Variants in CNNM1 observed in about 807,000 individuals in gnomAD.
The protein encoded by CNNM1 is cyclin and CBS domain divalent metal cation transport mediator 1, also known as metal transporter CNNM1.
CNNM1 carries 44 observed loss-of-function variants against 78.8 expected under a neutral mutation model. The observed-to-expected ratio is 0.56, with a 90% confidence interval of 0.44 to 0.72. CNNM1 has a LOEUF of 0.72. CNNM1 is among the 30% of genes least tolerant of loss of function. The pLI is 0.00. For synonymous variants in CNNM1, 584 were observed against 581.5 expected (o/e 1.00, Z -0.06); for missense variants, 1,101 against 1,292.2 (o/e 0.85, Z 2.27).
In CNNM1 at chr10:99,387,897, C is replaced by T. The variant is rs779555620; in HGVS notation, c.2418C>T (p.Ala806=). Residue 806 remains alanine (A), a synonymous_variant, in exon 8 of 11, where the codon GCC becomes GCT. Coordinates refer to ENST00000356713, the MANE Select transcript of CNNM1 (RefSeq NM_020348.3). The part of the protein sequence containing the change: ...DSSPQSPDME[A]FTDGDSTKAP... ...CACCTCAGTCCCCTGACATGGAGGC[C>T]TTCACAGACGGGGACTCCACTAAGG... The T allele has an allele frequency of 4.1e-5, 66 of 1,613,702 alleles. No homozygotes were observed. In the South Asian group the frequency reaches 7.1e-4, roughly 17 times the overall value.
rs191553132 is a variant in CNNM1 at position 99,344,049 on chromosome 10, T to C, written c.1573+13089T>C. On this transcript the variant is annotated intron_variant, in intron 1 of 10. Coordinates refer to ENST00000356713, the MANE Select transcript of CNNM1 (RefSeq NM_020348.3). ...ATTCCCCTTTTAAGAAGATGGAAGA[T>C]AGGCCAGGTGTGCTGGCTCACCCTT... Among the ~76,000 whole-genome samples the C allele has an allele frequency of 6.7e-3, 1,000 of 149,936 alleles. 6 individuals are homozygous for C. Among genetic ancestry groups the C allele is most frequent in the Non-Finnish European group, 9.6e-3 (646 of 67,384 alleles).
chr10:99,354,178 A>G (rs1326577552), intron 1 of CNNM1, among the ~76,000 whole-genome samples: 1 of 152,226 alleles, frequency 6.6e-6, no homozygotes, highest in Non-Finnish European at 1.5e-5. Context: ...AAAAGTGAGA[A>G]TAGGTGCCAT....
intron 7 of CNNM1, among the ~76,000 whole-genome samples, chr10:99,381,247 C>A (rs2134075399): frequency 6.6e-6 from 1 of 151,232 alleles, no homozygotes; most frequent in East Asian, 2.0e-4. Context: ...CCTGTCTCTA[C>A]TAAAAATACA....
At chr10:99,364,084 G>A (rs1052115247) in intron 4 of CNNM1, among the ~76,000 whole-genome samples, 18 of 152,102 alleles carry the variant, frequency 1.2e-4, no homozygotes, top group Non-Finnish European at 2.5e-4. Context: ...TCCAATCTTG[G>A]ACTAAACCAG....
intron 1 of CNNM1, among the ~76,000 whole-genome samples, chr10:99,351,113 A>G (rs183807868): frequency 3.3e-5 from 5 of 152,346 alleles, no homozygotes; most frequent in East Asian, 1.9e-4. Flanking sequence ...GGTAGTGATG[A>G]TAACACCTTA....
intron 2 of CNNM1, 59 bp downstream of exon 2, chr10:99,357,714 G>A: frequency 6.8e-7 from 1 of 1,461,620 alleles, no homozygotes; most frequent in Non-Finnish European, 9.1e-7. Flanking sequence ...AAGACTCTCA[G>A]GTAAAGCCTC....
chr10:99,383,898 T>C (rs2862606), intron 7 of CNNM1, among the ~76,000 whole-genome samples: 136,553 of 152,240 alleles, frequency 0.9, 61,425 homozygotes, highest in African/African-American at 0.94. Context: ...GGCTGTTGAA[T>C]GCATGAAGTG....
rs562170205 is a variant in CNNM1 at position 99,340,876 on chromosome 10, TCCTGCCTGCCTG to T, written c.1573+9941_1573+9952del. Reference sequence around the variant, plus strand: ...CTCCTTCCCCGCTTCCTTCCTTCCTTCCTGCCTGCCTGCCTGCCTGCCTGCCTGCCTGCCTGT... The same window carrying T: ...CTCCTTCCCCGCTTCCTTCCTTCCTTCCTGCCTGCCTGCCTGCCTGCCTGT... On this transcript the variant is annotated intron_variant, in intron 1 of 10. Transcript: ENST00000356713. Among the ~76,000 whole-genome samples, 46 of 138,254 alleles carry T rather than the reference TCCTGCCTGCCTG, an allele frequency of 3.3e-4. No homozygotes were observed. In the East Asian group the frequency reaches 6.1e-3, roughly 18 times the overall value. The allele number at this position is 138,254 out of a possible 152,430, so 90.7% of individuals were successfully genotyped here.
Position 99,391,637 on chromosome 10 carries a change from T to A in CNNM1, c.*121T>A, listed in dbSNP as rs953337716. 1 of 784,380 alleles carries A rather than the reference T, an allele frequency of 1.3e-6. No individual in the cohort carries two copies. Among genetic ancestry groups the A allele is most frequent in the Non-Finnish European group, 2.1e-6 (1 of 482,392 alleles). The allele number at this position is 784,380 out of a possible 1,614,324, so 48.6% of individuals were successfully genotyped here. A position where few individuals can be genotyped will look rare whatever the true frequency, so the allele number is the denominator to read the frequency against. ...GGTGACAGAATGTTCTGCCTTCCCTTCCATCTCTTCACCCCTAGCTGTCAG... is the reference window on the plus strand; with the variant it reads ...GGTGACAGAATGTTCTGCCTTCCCTACCATCTCTTCACCCCTAGCTGTCAG... On this transcript the variant is annotated 3_prime_UTR_variant, in exon 11 of 11. Transcript: ENST00000356713.
chr10:99,329,801 C>T lies in CNNM1; in HGVS notation c.414C>T (p.Asp138=). 1 of 1,473,212 alleles carries T rather than the reference C, an allele frequency of 6.8e-7. No individual in the cohort carries two copies. The highest frequency in any genetic ancestry group is 1.3e-5 in the South Asian group (1 of 75,858). 91.3% of individuals were successfully genotyped at this position (1,473,212 alleles called of 1,614,324 possible). ...CGCAGCGCTGCAGGGAGCAGAGCGA[C>T]TGGGCATCGGACGTGGAAGTCCTGG... ...PGPQRCREQS[D]WASDVEVLGP... Residue 138 remains aspartate, a synonymous_variant, in exon 1 of 11, where the codon GAC becomes GAT. Coordinates refer to ENST00000356713, the MANE Select transcript of CNNM1 (RefSeq NM_020348.3).
Position 99,330,852 on chromosome 10 carries a change from C to G in CNNM1, c.1465C>G (p.Pro489Ala). The G allele has an allele frequency of 6.2e-7, 1 of 1,614,122 alleles. No homozygotes were observed. Among genetic ancestry groups the G allele is most frequent in the South Asian group, 1.1e-5 (1 of 91,076 alleles). The part of the protein sequence containing the change: ...LFVKDLAFVD[P>A]DDCTPLLTVT... ...TGTCAAGGACTTGGCCTTCGTGGAC[C>G]CCGACGACTGCACCCCGCTCCTCAC... is the stretch of plus-strand genomic sequence containing the variant. Residue 489 changes from proline (P) to alanine (A), a missense_variant, in exon 1 of 11, where the codon CCC (proline) becomes GCC (alanine). This residue lies in a region of CNNM1 where 277 missense variants were observed against 423.2 expected (regional missense o/e 0.65). Transcript: ENST00000356713.
chr10:99,361,825 GAT>G (rs1454982083), intron 3 of CNNM1, among the ~76,000 whole-genome samples: 38 of 152,256 alleles, frequency 2.5e-4, no homozygotes, highest in African/African-American at 8.7e-4. Context: ...TCATTCAGCA[GAT>G]ATATGTCATA....
At chr10:99,368,518 AG>A in intron 6 of CNNM1, 3 of 633,538 alleles carry the variant, frequency 4.7e-6, no homozygotes, top group Non-Finnish European at 7.6e-6. Flanking sequence ...GTGAAGATCC[AG>A]GAACAGACTG....
chr10:99,330,511 C>G lies in CNNM1; in HGVS notation c.1124C>G (p.Pro375Arg), dbSNP rs1850590526. Reference sequence around the variant, plus strand: ...GCAGCCGCCTTCCCCGTGTGCTACCCGCTGGGCCGCCTGCTGGACTGGGCG... The same window carrying G: ...GCAGCCGCCTTCCCCGTGTGCTACCGGCTGGGCCGCCTGCTGGACTGGGCG... ...LMAAAFPVCY[P>R]LGRLLDWALR... The change falls in exon 1 of 11, where the codon CCG becomes CGG. Residue 375 changes from proline (P) to arginine (R), a missense_variant. Transcript: ENST00000356713. 6.3e-7 allele frequency: 1 copy of G among 1,585,798 alleles called. No individual in the cohort carries two copies. The highest frequency in any genetic ancestry group is 1.3e-5 in the African/African-American group (1 of 74,324).
chr10:99,349,284 G>A (rs888667412), intron 1 of CNNM1, among the ~76,000 whole-genome samples: 1 of 152,138 alleles, frequency 6.6e-6, no homozygotes, highest in Non-Finnish European at 1.5e-5. Flanking sequence ...CCTCATCCAA[G>A]ATCAATTAGA....
chr10:99,332,526 GAA>G (rs1313193272), intron 1 of CNNM1, among the ~76,000 whole-genome samples: 2 of 132,986 alleles, frequency 1.5e-5, no homozygotes, highest in East Asian at 5.3e-4. Flanking sequence ...AAAAAAGAAA[GAA>G]AGAGAGAGAG....
At chr10:99,340,944 T>C (rs891934783) in intron 1 of CNNM1, among the ~76,000 whole-genome samples, 1 of 150,584 alleles carries the variant, frequency 6.6e-6, no homozygotes, top group Non-Finnish European at 1.5e-5. Context: ...CAGGCCTGTG[T>C]TAGGCACTGG....
At chr10:99,380,397 T>C (rs1685926177) in intron 7 of CNNM1, among the ~76,000 whole-genome samples, 1 of 152,150 alleles carries the variant, frequency 6.6e-6, no homozygotes, top group Non-Finnish European at 1.5e-5. Flanking sequence ...TCATTAGGCT[T>C]TACAGATTGG....
chr10:99,387,917 C>G lies in CNNM1; in HGVS notation c.2438C>G (p.Thr813Ser), dbSNP rs772106813. The change falls in exon 8 of 11, where the codon ACT becomes AGT. Residue 813 changes from threonine (T) to serine (S), a missense_variant. Transcript: ENST00000356713. ...GAGGCCTTCACAGACGGGGACTCCA[C>G]TAAGGCCCCCACAACCCGGGGCACA... ...DMEAFTDGDSTKAPTTRGTPQ... is the reference protein window; with the variant it reads ...DMEAFTDGDSSKAPTTRGTPQ... The G allele has an allele frequency of 5.6e-6, 9 of 1,613,720 alleles. No homozygotes were observed. The East Asian group carries it at 1.8e-4, about 32-fold the overall frequency.
Sources: allele counts gnomAD v4.1 joint callset (sites outside exome capture counted in the v4.1 genomes callset), GRCh38; gene constraint gnomAD v4.1.1; regional missense constraint gnomAD v4.1.1; transcripts MANE v1.5; gene names NCBI Gene and HGNC (gene_info 2026-07-23, HGNC 2026-07-21).